Variants in AGBL1 observed in about 807,000 individuals in gnomAD.
AGBL1 encodes cytosolic carboxypeptidase 4.
In AGBL1, 130 loss-of-function variants were observed where a neutral mutation model predicts 118.9. That is an observed-to-expected ratio of 1.09 (90% confidence interval 0.95 to 1.26). The LOEUF (loss-of-function observed/expected upper bound fraction) is 1.26, where lower values mean the gene tolerates loss of function less well. Among genes scored for constraint, AGBL1 ranks in the 50% most tolerant of loss-of-function variants. AGBL1 has a pLI of 0.00. For missense variants in AGBL1, 1,584 were observed against 1,298.1 expected (o/e 1.22, Z -3.38); for synonymous variants, 555 against 478.9 (o/e 1.16, Z -2.08).
intron 1 of AGBL1, among the ~76,000 whole-genome samples, chr15:86,134,838 C>T (rs1461869057): frequency 6.6e-6 from 1 of 151,828 alleles, no homozygotes; most frequent in East Asian, 1.9e-4. Context: ...TGGTCTCGAT[C>T]TCCTGACCTC....
chr15:86,244,254 C>G lies in AGBL1; in HGVS notation c.527-3417C>G, dbSNP rs141085219. Among the ~76,000 whole-genome samples the G allele has an allele frequency of 5.0e-3, 757 of 152,200 alleles. 4 individuals carry two copies. The highest frequency in any genetic ancestry group is 9.0e-3 in the Non-Finnish European group (612 of 68,006). On this transcript the variant is annotated intron_variant, in intron 6 of 22. Coordinates refer to ENST00000614907, the MANE Select transcript of AGBL1 (RefSeq NM_001386094.1). The stretch of plus-strand genomic sequence containing the variant: ...GGGGACTTGAAGCCCTCTCACATCT[C>G]TCAACTCTAAGTCCACCCAGAGCAG...
chr15:86,521,238 A>G (rs1200691176), intron 18 of AGBL1, among the ~76,000 whole-genome samples: 1 of 152,240 alleles, frequency 6.6e-6, no homozygotes, highest in African/African-American at 2.4e-5. Context: ...GAGAAGACTG[A>G]AGACTGAACC....
chr15:86,659,544 C>A (rs2085508407), intron 21 of AGBL1, among the ~76,000 whole-genome samples: 1 of 152,176 alleles, frequency 6.6e-6, no homozygotes, highest in Admixed American at 6.5e-5. Flanking sequence ...ATGCTCCTAT[C>A]TTCTGCTACC....
intron 1 of AGBL1, among the ~76,000 whole-genome samples, chr15:86,101,252 G>T (rs1052195638): frequency 3.8e-4 from 58 of 152,122 alleles, no homozygotes; most frequent in African/African-American, 1.2e-3. Flanking sequence ...TTTTATAATT[G>T]TTGAGTCTTG....
At chr15:86,284,353 C>A (rs12916996) in intron 16 of AGBL1, among the ~76,000 whole-genome samples, 6,548 of 151,802 alleles carry the variant, frequency 0.043, 176 homozygotes, top group Middle Eastern at 0.085. Context: ...ATTAAACCAT[C>A]CTTTCTTTAT....
intron 23 of AGBL1, among the ~76,000 whole-genome samples, chr15:86,969,359 G>T (rs1016860333): frequency 3.3e-5 from 5 of 151,682 alleles, no homozygotes; most frequent in Non-Finnish European, 5.9e-5. Flanking sequence ...AACTTGAGTT[G>T]TTGCAAGATA....
At chr15:86,121,740 A>C (rs1318903926) in intron 1 of AGBL1, among the ~76,000 whole-genome samples, 7 of 152,236 alleles carry the variant, frequency 4.6e-5, no homozygotes, top group Admixed American at 4.6e-4. Flanking sequence ...CTCAACCAGC[A>C]TAATCCTGAA....
chr15:86,397,506 A>T lies in AGBL1; in HGVS notation c.2515A>T (p.Ile839Phe), dbSNP rs745628107. The change falls in exon 18 of 23, where the codon ATC becomes TTC. Residue 839 changes from isoleucine (I) to phenylalanine (F), a missense_variant. Ile to Phe is a conservative substitution (Grantham distance 21). Coordinates refer to ENST00000614907, the MANE Select transcript of AGBL1 (RefSeq NM_001386094.1). Reference sequence around the variant, plus strand: ...CTTGAGGGAAAACTTCATCTTCAAGATCATACCCATGCTCAACCCAGATGG... The same window carrying T: ...CTTGAGGGAAAACTTCATCTTCAAGTTCATACCCATGCTCAACCCAGATGG... ...RLLRENFIFK[I>F]IPMLNPDGVI... 1.2e-6 allele frequency: 2 copies of T among 1,612,724 alleles called. No homozygotes were observed. The highest frequency in any genetic ancestry group is 2.7e-5 in the African/African-American group (2 of 74,980).
intron 3 of AGBL1, among the ~76,000 whole-genome samples, chr15:86,152,866 T>C (rs1422156770): frequency 6.6e-6 from 1 of 152,196 alleles, no homozygotes; most frequent in Non-Finnish European, 1.5e-5. Flanking sequence ...AACAGACATT[T>C]CTTAAAAGAA....
chr15:86,696,209 G>C (rs2142624943), intron 22 of AGBL1, among the ~76,000 whole-genome samples: 1 of 151,960 alleles, frequency 6.6e-6, no homozygotes, highest in South Asian at 2.1e-4. Flanking sequence ...TTGTGTTGCT[G>C]TCTATCTCAT....
intron 18 of AGBL1, among the ~76,000 whole-genome samples, chr15:86,460,446 T>C (rs1053920960): frequency 1.3e-5 from 2 of 150,042 alleles, no homozygotes; most frequent in Admixed American, 1.3e-4. Context: ...CAGTGAGCAA[T>C]GACTGAGCCA....
intron 17 of AGBL1, among the ~76,000 whole-genome samples, chr15:86,373,239 A>G (rs1864638): frequency 0.65 from 98,268 of 152,076 alleles, 33,516 homozygotes; most frequent in East Asian, 0.93. Flanking sequence ...GACTTTTTAT[A>G]TGCAATTTTC....
At chr15:86,581,552 A>T (rs1286182099) in intron 21 of AGBL1, among the ~76,000 whole-genome samples, 1 of 152,176 alleles carries the variant, frequency 6.6e-6, no homozygotes, top group African/African-American at 2.4e-5. Context: ...TCATTTTATC[A>T]TTCATTTGAA....
chr15:86,584,361 C>T (rs1316439329), intron 21 of AGBL1, among the ~76,000 whole-genome samples: 1 of 151,968 alleles, frequency 6.6e-6, no homozygotes, highest in Non-Finnish European at 1.5e-5. Context: ...TTAATTTTTG[C>T]ATATGAGGAA....
intron 1 of AGBL1, among the ~76,000 whole-genome samples, chr15:86,089,970 C>G (rs1006640582): frequency 6.6e-6 from 1 of 152,156 alleles, no homozygotes; most frequent in African/African-American, 2.4e-5. Context: ...GAAAAATGGG[C>G]ATTACAATTC....
chr15:87,024,960 G>A (rs939510903), intron 24 of AGBL1, among the ~76,000 whole-genome samples: 2 of 151,816 alleles, frequency 1.3e-5, no homozygotes, highest in Non-Finnish European at 2.9e-5. Context: ...CAGTAAAATC[G>A]ACATACAAGG....
chr15:86,755,630 G>C (rs913375497), intron 22 of AGBL1, among the ~76,000 whole-genome samples: 2 of 151,970 alleles, frequency 1.3e-5, no homozygotes, highest in South Asian at 2.1e-4. Context: ...CTCACTTGCC[G>C]CTCTATCTTA....
At chr15:86,138,065 G>A (rs2076912765) in intron 1 of AGBL1, among the ~76,000 whole-genome samples, 1 of 152,054 alleles carries the variant, frequency 6.6e-6, no homozygotes. Context: ...AAAATATATG[G>A]ATTATCTATT....
chr15:86,096,318 G>T (rs1896377285), intron 1 of AGBL1, among the ~76,000 whole-genome samples: 1 of 152,098 alleles, frequency 6.6e-6, no homozygotes, highest in Non-Finnish European at 1.5e-5. Flanking sequence ...GAGAGGTACT[G>T]GAAATAGACT....
Sources: gnomAD v4.1 joint callset for allele counts (sites outside exome capture counted in the v4.1 genomes callset) on GRCh38, gnomAD v4.1.1 for gene constraint, MANE v1.5 for transcripts, NCBI Gene and HGNC (gene_info 2026-07-23, HGNC 2026-07-21) for gene names.